The following CEP85L variants were observed in gnomAD, a reference collection of about 807,000 sequenced individuals.
CEP85L encodes centrosomal protein of 85 kDa-like.
CEP85L carries 60 observed loss-of-function variants against 100.3 expected under a neutral mutation model. That is an observed-to-expected ratio of 0.60 (90% CI 0.49 to 0.74). CEP85L has a LOEUF of 0.74. Among genes scored for constraint, CEP85L ranks in the 30% least tolerant of loss-of-function variants. The probability of loss-of-function intolerance (pLI) is 0.00; values close to 1 mark genes in which losing one functional copy is unlikely to be tolerated. For synonymous variants in CEP85L, 319 were observed against 322.7 expected, an observed-to-expected ratio of 0.99 and a Z score of 0.12; for missense variants, 973 against 936.2, an observed-to-expected ratio of 1.04 and a Z score of -0.51.
At chr6:118,547,619 G>C (rs547797205) in intron 3 of CEP85L, among the ~76,000 whole-genome samples, 54 of 152,102 alleles carry the variant, frequency 3.6e-4, no homozygotes, top group African/African-American at 1.3e-3. Flanking sequence ...TGGGGGTGTT[G>C]TATGTATCAG....
At chr6:118,477,794 A>G (rs748619109) in intron 10 of CEP85L, among the ~76,000 whole-genome samples, 50 of 152,276 alleles carry the variant, frequency 3.3e-4, no homozygotes, top group Admixed American at 2.2e-3. Flanking sequence ...TCCCAACTAT[A>G]GCGTCAGTGA....
intron 2 of CEP85L, among the ~76,000 whole-genome samples, chr6:118,570,063 T>C (rs1022402618): frequency 6.6e-6 from 1 of 152,144 alleles, no homozygotes; most frequent in Non-Finnish European, 1.5e-5. Context: ...TATCTAGATA[T>C]GTAGATGCGT....
rs554322577 is a variant in CEP85L at position 118,464,819 on chromosome 6, C to G, written c.*586G>C. 1 of 152,182 alleles carries G rather than the reference C, an allele frequency of 6.6e-6. No homozygotes were observed. Among genetic ancestry groups the G allele is most frequent in the Admixed American group, 6.6e-5 (1 of 15,258 alleles). The allele number at this position is 152,182 out of a possible 1,614,324, so 9.4% of individuals were successfully genotyped here. A position where few individuals can be genotyped will look rare whatever the true frequency, so the allele number is the denominator to read the frequency against. Reference sequence around the variant, plus strand: ...CTCAACCACAAACATCCTATCAGTGCAGTAAGTGTTCAAAATATAAATGGT... The same window carrying G: ...CTCAACCACAAACATCCTATCAGTGGAGTAAGTGTTCAAAATATAAATGGT... On this transcript the variant is annotated 3_prime_UTR_variant, in exon 13 of 13. Coordinates refer to ENST00000368491, the MANE Select transcript of CEP85L (RefSeq NM_001042475.3).
intron 8 of CEP85L, among the ~76,000 whole-genome samples, chr6:118,481,495 T>C (rs1252327168): frequency 6.6e-6 from 1 of 152,104 alleles, no homozygotes; most frequent in Non-Finnish European, 1.5e-5. Flanking sequence ...TTTTTGAGCA[T>C]GGACATGATG....
chr6:118,491,983 C>T (rs1774608988), intron 5 of CEP85L, 118 bp from the exon 6 acceptor site: 1 of 595,626 alleles, frequency 1.7e-6, no homozygotes, highest in Non-Finnish European at 2.7e-6. Flanking sequence ...ACAGACACAC[C>T]TTGATTTAAA....
upstream of CEP85L, chr6:118,651,885 C>T (rs937241571): frequency 3.0e-6 from 3 of 985,498 alleles, no homozygotes; most frequent in East Asian, 3.4e-4. Flanking sequence ...ATCCCTCACG[C>T]CCTCCCTCCG....
intron 3 of CEP85L, among the ~76,000 whole-genome samples, chr6:118,551,519 T>C (rs1457519380): frequency 1.3e-5 from 2 of 151,952 alleles, no homozygotes; most frequent in Non-Finnish European, 1.5e-5. Flanking sequence ...TTGTAAAGCA[T>C]TGTTTCAATA....
intron 1 of CEP85L, among the ~76,000 whole-genome samples, chr6:118,637,287 A>G (rs1379802070): frequency 6.6e-6 from 1 of 152,206 alleles, no homozygotes; most frequent in African/African-American, 2.4e-5. Context: ...CTTTTTATTT[A>G]GCAACTCAGG....
chr6:118,497,305 G>A (rs977558890), intron 5 of CEP85L, among the ~76,000 whole-genome samples: 3 of 152,120 alleles, frequency 2.0e-5, no homozygotes, highest in Admixed American at 6.5e-5. Context: ...ATATCTTTGT[G>A]AAGCAGGGTT....
chr6:118,660,988 C>T (rs2115406492), intron 1 of CEP85L, among the ~76,000 whole-genome samples: 1 of 152,088 alleles, frequency 6.6e-6, no homozygotes, highest in African/African-American at 2.4e-5. Context: ...TGGGTTCAGG[C>T]AATTCTCCTG....
intron 5 of CEP85L, chr6:118,501,897 A>C: frequency 1.7e-6 from 2 of 1,171,262 alleles, no homozygotes; most frequent in Non-Finnish European, 2.5e-6. Flanking sequence ...AAGAAAGACA[A>C]AGATATGCTT....
At chr6:118,502,739 C>T in intron 5 of CEP85L, 1 of 528,850 alleles carries the variant, frequency 1.9e-6, no homozygotes, top group South Asian at 2.0e-5. Context: ...AGAAATGCAT[C>T]TTGCTGAACA....
intron 2 of CEP85L, among the ~76,000 whole-genome samples, chr6:118,629,694 G>C (rs1284154993): frequency 6.6e-6 from 1 of 152,168 alleles, no homozygotes; most frequent in Non-Finnish European, 1.5e-5. Context: ...CAGCAATTGA[G>C]CTCCTAAGTA....
intron 2 of CEP85L, among the ~76,000 whole-genome samples, chr6:118,580,915 C>G (rs1031120571): frequency 3.4e-4 from 52 of 152,084 alleles, no homozygotes; most frequent in Admixed American, 1.5e-3. Context: ...GACAGTGAGC[C>G]TCTCTCTCTC....
At chr6:118,671,269 G>A (rs1289568330) in intron 1 of CEP85L, among the ~76,000 whole-genome samples, 1 of 152,096 alleles carries the variant, frequency 6.6e-6, no homozygotes, top group Non-Finnish European at 1.5e-5. Context: ...CATACGTTTT[G>A]TTTAGCAACT....
intron 4 of CEP85L, among the ~76,000 whole-genome samples, chr6:118,516,871 T>C (rs986204859): frequency 3.3e-5 from 5 of 152,240 alleles, no homozygotes; most frequent in Admixed American, 6.5e-5. Context: ...AGGGTTTTTA[T>C]GGTTTTAGGT....
At chr6:118,536,798 A>C (rs998537964) in intron 3 of CEP85L, among the ~76,000 whole-genome samples, 1 of 152,192 alleles carries the variant, frequency 6.6e-6, no homozygotes. Context: ...GAGAACAAAG[A>C]AGCCTTCTAT....
In CEP85L at chr6:118,600,363, GT is replaced by G. The variant is rs1562298110; in HGVS notation, c.232+32089del. Among the ~76,000 whole-genome samples, 345 of 134,992 alleles carry G rather than the reference GT, an allele frequency of 2.6e-3. 66 individuals carry two copies. The highest frequency in any genetic ancestry group is 6.2e-3 in the South Asian group (25 of 4,010). The allele number at this position is 134,992 out of a possible 152,430, so 88.6% of individuals were successfully genotyped here. ...TGTGTGTGTGTGTGTGTGTGTGTGT[GT>G]GTGTGTAACGCCATGGAGCAATCTC... On this transcript the variant is annotated intron_variant, in intron 2 of 12. Transcript: ENST00000368491.
chr6:118,502,046 G>T (rs542128016), intron 5 of CEP85L: 92 of 833,830 alleles, frequency 1.1e-4, no homozygotes, highest in Non-Finnish European at 1.4e-4. Context: ...GGAACAAGAA[G>T]ACTGGGACTT....
Sources: gnomAD v4.1 joint callset for allele counts (sites outside exome capture counted in the v4.1 genomes callset) on GRCh38, gnomAD v4.1.1 for gene constraint, MANE v1.5 for transcripts, NCBI Gene and HGNC (gene_info 2026-07-23, HGNC 2026-07-21) for gene names.